The following NF1 variants were observed in gnomAD, a reference collection of about 807,000 sequenced individuals.
NF1 encodes the protein neurofibromin 1, also known as neurofibromin.
Under a neutral mutation model 325.7 loss-of-function variants are expected in NF1, and 122 were observed. The observed-to-expected ratio is 0.37, with a 90% CI of 0.32 to 0.44. The LOEUF (loss-of-function observed/expected upper bound fraction) is 0.44, where lower values mean the gene tolerates loss of function less well. NF1 is among the 20% of genes least tolerant of loss of function. The probability of loss-of-function intolerance (pLI) is 1.00; values close to 1 mark genes in which losing one functional copy is unlikely to be tolerated. For synonymous variants in NF1, 1,091 were observed against 1,186.0 expected (o/e 0.92, Z 1.65); for missense variants, 2,140 against 3,415.4 (o/e 0.63, Z 9.31).
chr17:31,267,010 C>T lies in NF1; in HGVS notation c.4835+1671C>T, dbSNP rs17881573. 4.1e-3 allele frequency among the ~76,000 whole-genome samples: 617 copies of T among 151,972 alleles called. 1 individual carries two copies. The highest frequency in any genetic ancestry group is 6.7e-3 in the Non-Finnish European group (456 of 67,998). Reference sequence around the variant, plus strand: ...GCAATGGAGCGATCTCGGCTCACTGCAACCTCCACCTCCTGGCTTCAAGTG... The same window carrying T: ...GCAATGGAGCGATCTCGGCTCACTGTAACCTCCACCTCCTGGCTTCAAGTG... On this transcript the variant is annotated intron_variant, in intron 36 of 57. Transcript: ENST00000358273.
chr17:31,180,017 C>G (rs772425537), intron 5 of NF1, among the ~76,000 whole-genome samples: 1 of 152,130 alleles, frequency 6.6e-6, no homozygotes, highest in Non-Finnish European at 1.5e-5. Context: ...GGATAAATTC[C>G]TGGACACATA....
In NF1 at chr17:31,214,289, T is replaced by G. The variant is rs138351811; in HGVS notation, c.1393-162T>G. Among the ~76,000 whole-genome samples the G allele has an allele frequency of 2.8e-3, 431 of 152,290 alleles. 3 individuals are homozygous for G. The highest frequency in any genetic ancestry group is 1.0e-2 in the African/African-American group (414 of 41,586). On this transcript the variant is annotated intron_variant, in intron 12 of 57. Coordinates refer to ENST00000358273, the MANE Select transcript of NF1 (RefSeq NM_001042492.3). ...ATTGTTTTGTTAAGCTTAATAATAC[T>G]GACCTTATGCTTACTATTGAGTGTT...
intron 36 of NF1, chr17:31,303,795 C>A (rs531113500): frequency 6.6e-6 from 1 of 152,550 alleles, no homozygotes; most frequent in Non-Finnish European, 1.5e-5. Flanking sequence ...GCATTTTAAT[C>A]TCCCATTCCC....
chr17:31,281,332 A>G (rs1017318919), intron 36 of NF1, among the ~76,000 whole-genome samples: 1 of 152,248 alleles, frequency 6.6e-6, no homozygotes, highest in Non-Finnish European at 1.5e-5. Flanking sequence ...AGAAGACTCT[A>G]GGAGCTGGCT....
At chr17:31,372,845 A>C (rs377493522) in intron 57 of NF1, among the ~76,000 whole-genome samples, 1 of 152,044 alleles carries the variant, frequency 6.6e-6, no homozygotes, top group African/African-American at 2.4e-5. Context: ...GTGAGACTCT[A>C]TCTCTAGACA....
At chr17:31,305,550 A>C (rs1470753314) in intron 36 of NF1, 1 of 1,614,154 alleles carries the variant, frequency 6.2e-7, no homozygotes, top group South Asian at 1.1e-5. Flanking sequence ...CTGTCTTTGA[A>C]AAAAATGTAT....
At chr17:31,316,058 G>T (rs1027351673) in intron 36 of NF1, among the ~76,000 whole-genome samples, 2 of 151,926 alleles carry the variant, frequency 1.3e-5, no homozygotes, top group African/African-American at 2.4e-5. Flanking sequence ...TACTATGCTC[G>T]CTGGCTGGCT....
At chr17:31,164,583 C>A (rs1364053225) in intron 4 of NF1, among the ~76,000 whole-genome samples, 2 of 152,162 alleles carry the variant, frequency 1.3e-5, no homozygotes, top group African/African-American at 4.8e-5. Context: ...CAGTGTTGTA[C>A]GAACAGTGGA....
intron 48 of NF1, among the ~76,000 whole-genome samples, chr17:31,344,145 C>G: frequency 6.6e-6 from 1 of 152,080 alleles, no homozygotes; most frequent in East Asian, 1.9e-4. Flanking sequence ...AGATTTTCTT[C>G]AACTTGTTTA....
chr17:31,231,593 A>T (rs1299630655), intron 24 of NF1, among the ~76,000 whole-genome samples: 2 of 152,178 alleles, frequency 1.3e-5, no homozygotes, highest in East Asian at 3.8e-4. Flanking sequence ...ATCCTCCCAT[A>T]TATTTTTAAT....
intron 31 of NF1, 156 bp downstream of exon 31, chr17:31,253,156 CT>C: frequency 1.5e-6 from 1 of 645,596 alleles, no homozygotes. Context: ...TCAATTAACC[CT>C]GGAATTAAGT....
At chr17:31,318,780 AGG>A (rs1233108942) in intron 36 of NF1, 46 of 1,613,930 alleles carry the variant, frequency 2.9e-5, no homozygotes, top group Non-Finnish European at 3.6e-5. Flanking sequence ...GAGATGTTTC[AGG>A]CATGTTTGTA....
intron 36 of NF1, chr17:31,304,321 G>A: frequency 6.2e-7 from 1 of 1,614,076 alleles, no homozygotes; most frequent in Non-Finnish European, 8.5e-7. Flanking sequence ...ATCAGAGTTG[G>A]GAGGAATAGA....
intron 39 of NF1, chr17:31,330,901 C>G (rs2069468412): frequency 5.5e-6 from 1 of 181,054 alleles, no homozygotes; most frequent in Non-Finnish European, 1.2e-5. Context: ...TGACTTTGAA[C>G]AATGAATTTA....
chr17:31,158,753 A>T (rs765663824), intron 2 of NF1, among the ~76,000 whole-genome samples: 16 of 152,176 alleles, frequency 1.1e-4, no homozygotes, highest in Non-Finnish European at 2.2e-4. Context: ...ATATTTTTAA[A>T]GCATGAAGCA....
intron 8 of NF1, among the ~76,000 whole-genome samples, chr17:31,194,924 A>G (rs1489381344): frequency 5.9e-5 from 9 of 152,160 alleles, no homozygotes; most frequent in Admixed American, 5.2e-4. Context: ...TGTATAATTA[A>G]CATAATATGC....
chr17:31,371,805 A>C (rs927167111), intron 57 of NF1, among the ~76,000 whole-genome samples: 1 of 152,232 alleles, frequency 6.6e-6, no homozygotes, highest in Non-Finnish European at 1.5e-5. Flanking sequence ...GCACATGTTC[A>C]TAAACAGTCA....
chr17:31,249,206 G>A (rs1425514135), intron 30 of NF1, 87 bp downstream of exon 30: 4 of 1,421,812 alleles, frequency 2.8e-6, no homozygotes, highest in Non-Finnish European at 3.0e-6. Flanking sequence ...GCTGCTGATG[G>A]TGTGTGGTTA....
intron 29 of NF1, among the ~76,000 whole-genome samples, chr17:31,244,528 C>T (rs1268490470): frequency 6.6e-6 from 1 of 152,112 alleles, no homozygotes. Context: ...TAGGTCTGTT[C>T]TAAGTTCTCC....
Sources: allele counts gnomAD v4.1 joint callset (sites outside exome capture counted in the v4.1 genomes callset), GRCh38; gene constraint gnomAD v4.1.1; transcripts MANE v1.5; gene names NCBI Gene and HGNC (gene_info 2026-07-23, HGNC 2026-07-21).